KCNJ10: variants seen among roughly 807,000 people sequenced by gnomAD.
KCNJ10 encodes the protein potassium inwardly rectifying channel subfamily J member 10.
Under a neutral mutation model 22.2 loss-of-function variants are expected in KCNJ10, and 9 were observed. The observed-to-expected ratio is 0.40, with a 90% CI of 0.24 to 0.71. The LOEUF is 0.71. Ranked by LOEUF, KCNJ10 falls within the 30% of genes least tolerant of loss-of-function variation. The probability of loss-of-function intolerance (pLI) is 0.35; values close to 1 mark genes in which losing one functional copy is unlikely to be tolerated. For synonymous variants in KCNJ10, 184 were observed against 187.3 expected (o/e 0.98, Z 0.15); for missense variants, 337 against 482.7 (o/e 0.70, Z 2.83).
rs766885214 is a variant in KCNJ10, at chr1:160,042,140, A to G, written c.393T>C (p.Tyr131=). 2 of 1,580,040 alleles carry G rather than the reference A, an allele frequency of 1.3e-6. No homozygotes were observed. Among genetic ancestry groups the G allele is most frequent in the South Asian group, 2.3e-5 (2 of 85,778 alleles). The stretch of plus-strand genomic sequence containing the variant: ...ATTCCTCACTGATGTAGCGGAAGCC[A>G]TAGCCAATGGTGGTTTGGGATTCAA... ...FSLESQTTIG[Y]GFRYISEECP... is the part of the protein sequence containing the mutation. Residue 131 remains tyrosine (Y), a synonymous_variant, in exon 2 of 2, where the codon TAT becomes TAC. Coordinates refer to ENST00000644903, the MANE Select transcript of KCNJ10 (RefSeq NM_002241.5).
chr1:160,041,748 G>A lies in KCNJ10; in HGVS notation c.785C>T (p.Thr262Ile), dbSNP rs541734962. Residue 262 changes from threonine (T) to isoleucine (I), a missense_variant, in exon 2 of 2, where the codon ACC becomes ATC. Physicochemically the swap from Thr to Ile is moderately conservative, Grantham distance 89. This residue lies in a region of KCNJ10 where 165 missense variants were observed against 281.5 expected (regional missense o/e 0.59). Transcript: ENST00000644903. This position sits in a 1 kb window ranked among gnomAD's most constrained non-coding sequence, Gnocchi z 4.4. ...PLTFYHVVDE[T>I]SPLKDLPLRS... is the part of the protein sequence containing the mutation. ...AAGAGGGAGATCTTTCAAGGGACTG[G>A]TCTCATCTACCACATGATAGAAGGT... is the stretch of plus-strand genomic sequence containing the variant. 6.8e-6 allele frequency: 11 copies of A among 1,614,002 alleles called. No homozygotes were observed. Among genetic ancestry groups the A allele is most frequent in the Middle Eastern group, 1.6e-4 (1 of 6,084 alleles).
Position 160,067,514 on chromosome 1 carries a change from G to A in KCNJ10, c.-1+2508C>T, listed in dbSNP as rs554478975. On this transcript the variant is annotated intron_variant, in intron 1 of 1. Transcript: ENST00000644903. ...AATCTTTCTGTAGTTTCATCTCAAC[G>A]ATGTGCCTTGGCTGATTCCTTCTCT... Among the ~76,000 whole-genome samples, 8 of 152,274 alleles carry A rather than the reference G, an allele frequency of 5.3e-5. No homozygotes were observed. In the South Asian group the frequency reaches 8.3e-4, roughly 16 times the overall value.
intron 1 of KCNJ10, among the ~76,000 whole-genome samples, chr1:160,054,177 C>T (rs1648970942): frequency 6.6e-6 from 1 of 152,216 alleles, no homozygotes; most frequent in Non-Finnish European, 1.5e-5. Flanking sequence ...CCCTCTCAAC[C>T]TTTCACACTA....
intron 1 of KCNJ10, among the ~76,000 whole-genome samples, chr1:160,060,524 A>G (rs1207062145): frequency 1.3e-5 from 2 of 152,186 alleles, no homozygotes; most frequent in Non-Finnish European, 2.9e-5. Context: ...AGGTTCTCCC[A>G]TGCAATTTTG....
In KCNJ10 at chr1:160,038,716, ACC is replaced by A. The variant is rs886045398; in HGVS notation, c.*2675_*2676del. ...TCTCTGTTTCTTTCTTCTTAGATAAACCTTTCATATATGTCATATCCTAATTT... is the reference window on the plus strand; with the variant it reads ...TCTCTGTTTCTTTCTTCTTAGATAAATTTCATATATGTCATATCCTAATTT... On this transcript the variant is annotated 3_prime_UTR_variant, in exon 2 of 2. Transcript: ENST00000644903. 2.0e-5 allele frequency: 3 copies of A among 151,982 alleles called. No homozygotes were observed. Among genetic ancestry groups the A allele is most frequent in the Non-Finnish European group, 4.4e-5 (3 of 68,006 alleles). 9.4% of individuals were successfully genotyped at this position (151,982 alleles called of 1,614,324 possible).
chr1:160,054,085 G>T (rs756648336), intron 1 of KCNJ10, among the ~76,000 whole-genome samples: 1 of 152,178 alleles, frequency 6.6e-6, no homozygotes, highest in Non-Finnish European at 1.5e-5. Context: ...GCATCTTGGG[G>T]ACCCCCTGTT....
Position 160,040,034 on chromosome 1 carries a change from G to A in KCNJ10, c.*1359C>T, listed in dbSNP as rs1222826176. On this transcript the variant is annotated 3_prime_UTR_variant, in exon 2 of 2. Transcript: ENST00000644903. The stretch of plus-strand genomic sequence containing the variant: ...TGGCCTCATGGCAGAGGAGAGTAGA[G>A]ATGACACTGATTTCTTCATTTTATA... The A allele has an allele frequency of 6.6e-6, 1 of 152,536 alleles. No homozygotes were observed. The highest frequency in any genetic ancestry group is 1.5e-5 in the Non-Finnish European group (1 of 68,254). The allele number at this position is 152,536 out of a possible 1,614,324, so 9.4% of individuals were successfully genotyped here. A position where few individuals can be genotyped will look rare whatever the true frequency, so the allele number is the denominator to read the frequency against.
At chr1:160,052,060 T>A (rs1367003741) in intron 1 of KCNJ10, among the ~76,000 whole-genome samples, 2 of 152,196 alleles carry the variant, frequency 1.3e-5, no homozygotes, top group Non-Finnish European at 2.9e-5. Context: ...TTCTTCTGTA[T>A]CACACAGCCT....
chr1:160,066,354 C>T (rs185639491), intron 1 of KCNJ10, among the ~76,000 whole-genome samples: 2 of 152,222 alleles, frequency 1.3e-5, no homozygotes, highest in African/African-American at 4.8e-5. Context: ...CCTTCCCAAA[C>T]TCCAGAAGGG....
chr1:160,051,211 G>A (rs1186262975), intron 1 of KCNJ10, among the ~76,000 whole-genome samples: 2 of 151,902 alleles, frequency 1.3e-5, no homozygotes, highest in Non-Finnish European at 2.9e-5. Flanking sequence ...CATGAGCTAC[G>A]GTGTCTGGCC....
At chr1:160,067,451 G>A (rs147807368) in intron 1 of KCNJ10, among the ~76,000 whole-genome samples, 67 of 152,354 alleles carry the variant, frequency 4.4e-4, no homozygotes, top group Non-Finnish European at 2.9e-4. Flanking sequence ...ACCATTGGGT[G>A]CTAAAACACT....
intron 1 of KCNJ10, among the ~76,000 whole-genome samples, chr1:160,061,462 T>A (rs973830879): frequency 3.3e-5 from 5 of 151,980 alleles, no homozygotes; most frequent in African/African-American, 1.2e-4. Context: ...CAGTCCAGGG[T>A]ACTTGACTCA....
chr1:160,067,151 C>T (rs561792466), intron 1 of KCNJ10, among the ~76,000 whole-genome samples: 2 of 152,310 alleles, frequency 1.3e-5, no homozygotes, highest in East Asian at 3.9e-4. Context: ...ACTTCTCTCT[C>T]ACATTCCAGA....
At chr1:160,061,416 G>A (rs1649189825) in intron 1 of KCNJ10, among the ~76,000 whole-genome samples, 3 of 152,034 alleles carry the variant, frequency 2.0e-5, no homozygotes, top group African/African-American at 7.3e-5. Flanking sequence ...CTGTGCCAGC[G>A]AGGCCAGGTG....
At chr1:160,056,559 C>G (rs1439881571) in intron 1 of KCNJ10, among the ~76,000 whole-genome samples, 1 of 152,200 alleles carries the variant, frequency 6.6e-6, no homozygotes, top group African/African-American at 2.4e-5. Flanking sequence ...CCCCAGTGCT[C>G]TCTCCACTGT....
chr1:160,049,675 T>TTTTATATATA (rs1553235648), intron 1 of KCNJ10, among the ~76,000 whole-genome samples: 87 of 47,104 alleles, frequency 1.8e-3, no homozygotes, highest in East Asian at 3.3e-3. Context: ...TTTTATTTAT[T>TTTTATATATA]TATATATATA....
rs1648501584 is a variant in KCNJ10, at chr1:160,037,516, C to T, written c.*3877G>A. On this transcript the variant is annotated 3_prime_UTR_variant, in exon 2 of 2. Transcript: ENST00000644903. ...TATTTAGTAGCTTATTTTTAACAGA[C>T]AAAAACAAAACAAATCTTACACACC... 6.6e-6 allele frequency: 1 copy of T among 152,102 alleles called. No individual in the cohort carries two copies. Among genetic ancestry groups the T allele is most frequent in the African/African-American group, 2.4e-5 (1 of 41,380 alleles). The allele number at this position is 152,102 out of a possible 1,614,324, so 9.4% of individuals were successfully genotyped here.
chr1:160,064,136 C>T (rs1289248718), intron 1 of KCNJ10, among the ~76,000 whole-genome samples: 1 of 152,152 alleles, frequency 6.6e-6, no homozygotes, highest in African/African-American at 2.4e-5. Context: ...TCAAATTGGC[C>T]CAGGTTTTTG....
At chr1:160,064,574 G>A (rs112227528) in intron 1 of KCNJ10, among the ~76,000 whole-genome samples, 263 of 152,308 alleles carry the variant, frequency 1.7e-3, no homozygotes, top group African/African-American at 5.6e-3. Context: ...CACAGTAAAT[G>A]TTCATAGATA....
Sources: gnomAD v4.1 joint callset for allele counts (sites outside exome capture counted in the v4.1 genomes callset) on GRCh38, gnomAD v4.1.1 for gene constraint, gnomAD v4.1.1 regional missense constraint, Gnocchi (gnomAD v3.1) non-coding constraint, MANE v1.5 for transcripts, NCBI Gene and HGNC (gene_info 2026-07-23, HGNC 2026-07-21) for gene names.